CDH13: variants seen among roughly 807,000 people sequenced by gnomAD.
CDH13 encodes cadherin-13.
A neutral mutation model predicts 63.8 loss-of-function variants in CDH13; 24 were observed. The observed-to-expected ratio is 0.38, with a 90% confidence interval of 0.27 to 0.53. CDH13 has a LOEUF of 0.53. Among genes scored for constraint, CDH13 ranks in the 20% least tolerant of loss-of-function variants. The pLI, the probability that CDH13 is intolerant of heterozygous loss-of-function variation, is 0.85. For synonymous variants in CDH13, 503 were observed against 355.3 expected (o/e 1.42, Z -4.67); for missense variants, 1,049 against 903.1 (o/e 1.16, Z -2.07).
intron 1 of CDH13, among the ~76,000 whole-genome samples, chr16:82,649,986 T>C (rs1431333073): frequency 6.6e-6 from 1 of 152,118 alleles, no homozygotes; most frequent in Admixed American, 6.6e-5. Context: ...TCCTGTTGCC[T>C]TAGTCATCAC....
intron 1 of CDH13, among the ~76,000 whole-genome samples, chr16:82,655,760 A>G (rs1232183289): frequency 6.6e-6 from 1 of 152,204 alleles, no homozygotes; most frequent in Admixed American, 6.5e-5. Flanking sequence ...CAACCACCAA[A>G]TGAAATAGGC....
At chr16:83,695,076 G>T (rs759165937) in intron 10 of CDH13, among the ~76,000 whole-genome samples, 1 of 152,002 alleles carries the variant, frequency 6.6e-6, no homozygotes, top group Non-Finnish European at 1.5e-5. Context: ...GTGTGGTGGC[G>T]CGTGCCCATA....
intron 8 of CDH13, among the ~76,000 whole-genome samples, chr16:83,659,019 TC>T (rs1913179471): frequency 7.8e-6 from 1 of 128,292 alleles, no homozygotes; most frequent in Non-Finnish European, 1.6e-5. Context: ...CACCACCAGG[TC>T]CCATATCCTC....
chr16:83,632,451 G>A (rs1910868640), intron 8 of CDH13, among the ~76,000 whole-genome samples: 1 of 152,034 alleles, frequency 6.6e-6, no homozygotes, highest in South Asian at 2.1e-4. Context: ...AATGCTTTCT[G>A]TTTATTATCA....
chr16:83,733,914 G>A (rs756112262), intron 10 of CDH13, among the ~76,000 whole-genome samples: 22 of 152,200 alleles, frequency 1.4e-4, no homozygotes, highest in Non-Finnish European at 2.5e-4. Flanking sequence ...TAGGCAGAGA[G>A]CCCCCTGCCC....
chr16:83,133,290 A>C (rs952231461), intron 4 of CDH13, among the ~76,000 whole-genome samples: 2 of 152,258 alleles, frequency 1.3e-5, no homozygotes, highest in African/African-American at 2.4e-5. Context: ...ATTGGATTTC[A>C]AAAGCTTATC....
At chr16:82,904,883 G>C (rs2041591785) in intron 2 of CDH13, among the ~76,000 whole-genome samples, 1 of 150,434 alleles carries the variant, frequency 6.6e-6, no homozygotes, top group African/African-American at 2.5e-5. Flanking sequence ...GTCCCATGGA[G>C]TGCAGTTTCT....
intron 3 of CDH13, among the ~76,000 whole-genome samples, chr16:83,115,662 C>G (rs1196006089): frequency 6.6e-6 from 1 of 152,230 alleles, no homozygotes; most frequent in East Asian, 1.9e-4. Flanking sequence ...TCACTGTTCT[C>G]CCTTAATTCC....
intron 2 of CDH13, among the ~76,000 whole-genome samples, chr16:82,975,862 T>C (rs751512595): frequency 6.6e-6 from 1 of 152,190 alleles, no homozygotes; most frequent in Non-Finnish European, 1.5e-5. Flanking sequence ...GGGTTTCCTT[T>C]TAGGGCTTTT....
Position 83,061,319 on chromosome 16 carries a change from C to G in CDH13, c.366+29101C>G, listed in dbSNP as rs139277828. ...CAATTGAGGCTGTACATCAGGGTTG[C>G]AAAGGGGCTTTGTCCGGATGAGTGG... is the stretch of plus-strand genomic sequence containing the variant. On this transcript the variant is annotated intron_variant, in intron 3 of 13. Transcript: ENST00000567109. 3.9e-5 allele frequency among the ~76,000 whole-genome samples: 6 copies of G among 152,216 alleles called. No individual in the cohort carries two copies. In the East Asian group the frequency reaches 1.2e-3, roughly 29 times the overall value.
intron 1 of CDH13, among the ~76,000 whole-genome samples, chr16:82,735,741 A>G (rs2033639813): frequency 6.6e-6 from 1 of 152,212 alleles, no homozygotes; most frequent in African/African-American, 2.4e-5. Flanking sequence ...CATCCAGTAA[A>G]GCACTTTATC....
intron 6 of CDH13, among the ~76,000 whole-genome samples, chr16:83,477,491 T>G (rs757639604): frequency 2.6e-5 from 4 of 152,166 alleles, no homozygotes; most frequent in Non-Finnish European, 4.4e-5. Flanking sequence ...GGGATGGCAC[T>G]TCCTCACCTC....
At chr16:83,547,782 G>T (rs760383717) in intron 7 of CDH13, among the ~76,000 whole-genome samples, 1 of 152,164 alleles carries the variant, frequency 6.6e-6, no homozygotes, top group East Asian at 1.9e-4. Context: ...GGTCTTTGTG[G>T]TAGAATGAAG....
intron 6 of CDH13, among the ~76,000 whole-genome samples, chr16:83,426,548 T>C (rs2035708): frequency 1 from 151,230 of 151,896 alleles, 75,292 homozygotes; most frequent in Middle Eastern, 1. Flanking sequence ...CACACACTCA[T>C]GTGGTTACCT....
At chr16:83,439,205 C>T (rs1338072777) in intron 6 of CDH13, among the ~76,000 whole-genome samples, 2 of 152,262 alleles carry the variant, frequency 1.3e-5, no homozygotes, top group Admixed American at 1.3e-4. Flanking sequence ...AGAACGGTGT[C>T]TGGCACATAG....
chr16:83,307,240 C>T (rs2089902064), intron 5 of CDH13, among the ~76,000 whole-genome samples: 1 of 152,120 alleles, frequency 6.6e-6, no homozygotes, highest in Non-Finnish European at 1.5e-5. Flanking sequence ...GTGATTGTGG[C>T]GATAATTCTA....
At chr16:83,725,183 G>C (rs962747425) in intron 10 of CDH13, among the ~76,000 whole-genome samples, 1 of 152,208 alleles carries the variant, frequency 6.6e-6, no homozygotes, top group Admixed American at 6.5e-5. Context: ...GGACAGCTGG[G>C]CTCAGACTTG....
At chr16:83,295,757 T>G (rs76816724) in intron 5 of CDH13, among the ~76,000 whole-genome samples, 12,548 of 152,218 alleles carry the variant, frequency 0.082, 720 homozygotes, top group Non-Finnish European at 0.12. Context: ...GAAAATAGTA[T>G]AGAGATTCCT....
At chr16:83,096,326 G>A (rs935249925) in intron 3 of CDH13, among the ~76,000 whole-genome samples, 3 of 152,166 alleles carry the variant, frequency 2.0e-5, no homozygotes, top group Admixed American at 6.5e-5. Context: ...GAATATATCA[G>A]ACATTATCCC....
Sources: gnomAD v4.1 joint callset for allele counts (sites outside exome capture counted in the v4.1 genomes callset) on GRCh38, gnomAD v4.1.1 for gene constraint, MANE v1.5 for transcripts, NCBI Gene and HGNC (gene_info 2026-07-23, HGNC 2026-07-21) for gene names.